MAP2: variants seen among roughly 807,000 people sequenced by gnomAD.
The protein encoded by MAP2 is microtubule associated protein 2.
In MAP2, 14 loss-of-function variants were observed where a neutral mutation model predicts 137.6. That is an observed-to-expected ratio of 0.10 (90% confidence interval 0.07 to 0.16). MAP2 has a LOEUF of 0.16. Among genes scored for constraint, MAP2 ranks in the 10% least tolerant of loss-of-function variants. The pLI is 1.00. For synonymous variants in MAP2, 786 were observed against 782.3 expected (o/e 1.00, Z -0.08); for missense variants, 2,088 against 2,191.5 (o/e 0.95, Z 0.94).
chr2:209,702,176 A>T (rs187535979), intron 11 of MAP2, among the ~76,000 whole-genome samples: 1 of 152,028 alleles, frequency 6.6e-6, no homozygotes, highest in African/African-American at 2.4e-5. Context: ...CATTTTTAGG[A>T]AATTTTTAAG....
chr2:209,443,064 A>G (rs1264768746), intron 1 of MAP2, among the ~76,000 whole-genome samples: 1 of 151,616 alleles, frequency 6.6e-6, no homozygotes, highest in Non-Finnish European at 1.5e-5. Context: ...TCCTTCCTCC[A>G]GTATTAATAT....
intron 1 of MAP2, among the ~76,000 whole-genome samples, chr2:209,436,704 ACT>A (rs1478342676): frequency 1.3e-5 from 2 of 151,300 alleles, no homozygotes; most frequent in Non-Finnish European, 3.0e-5. Flanking sequence ...GATACTGGAG[ACT>A]CTTTCCTAAG....
At chr2:209,728,089 AT>A (rs1162128723) in intron 14 of MAP2, among the ~76,000 whole-genome samples, 1 of 152,164 alleles carries the variant, frequency 6.6e-6, no homozygotes, top group African/African-American at 2.4e-5. Flanking sequence ...AGCTATGATC[AT>A]GTCACTTCAC....
intron 3 of MAP2, among the ~76,000 whole-genome samples, chr2:209,609,272 T>G (rs763859701): frequency 2.6e-5 from 4 of 152,162 alleles, no homozygotes; most frequent in Non-Finnish European, 4.4e-5. Flanking sequence ...AATTTTTGAT[T>G]TTTCTATCAA....
chr2:209,731,880 A>T lies in MAP2; in HGVS notation c.*1483A>T, dbSNP rs1179498123. ...CAAGACTCCAACATTGCACTCTGTAAAGTAACACACTGTGATCTAGTATTA... is the reference window on the plus strand; with the variant it reads ...CAAGACTCCAACATTGCACTCTGTATAGTAACACACTGTGATCTAGTATTA... On this transcript the variant is annotated 3_prime_UTR_variant, in exon 16 of 16. Coordinates refer to ENST00000682079, the MANE Select transcript of MAP2 (RefSeq NM_001375505.1). 6.6e-6 allele frequency: 1 copy of T among 152,150 alleles called. No homozygotes were observed. The highest frequency in any genetic ancestry group is 2.4e-5 in the African/African-American group (1 of 41,442). The allele number at this position is 152,150 out of a possible 1,614,324, so 9.4% of individuals were successfully genotyped here.
At chr2:209,485,377 TA>T (rs1166649386) in intron 1 of MAP2, among the ~76,000 whole-genome samples, 9 of 152,280 alleles carry the variant, frequency 5.9e-5, no homozygotes, top group African/African-American at 2.2e-4. Context: ...CCACCTCCTA[TA>T]ACTTTTTTTT....
chr2:209,677,434 A>G (rs1039025874), intron 5 of MAP2, among the ~76,000 whole-genome samples: 1 of 150,932 alleles, frequency 6.6e-6, no homozygotes, highest in African/African-American at 2.5e-5. Context: ...AGACAGACAG[A>G]CAGACAGATA....
chr2:209,556,290 T>C (rs1160100596), intron 2 of MAP2, among the ~76,000 whole-genome samples: 1 of 152,168 alleles, frequency 6.6e-6, no homozygotes, highest in African/African-American at 2.4e-5. Context: ...GCGATCGTCC[T>C]GCCTTGGCCT....
At chr2:209,643,650 G>C (rs1384016737) in intron 4 of MAP2, among the ~76,000 whole-genome samples, 1 of 152,156 alleles carries the variant, frequency 6.6e-6, no homozygotes, top group East Asian at 1.9e-4. Flanking sequence ...AAGACGATTT[G>C]AAAATGCCAG....
chr2:209,562,396 G>GAA (rs35378786), intron 2 of MAP2, among the ~76,000 whole-genome samples: 57 of 150,558 alleles, frequency 3.8e-4, no homozygotes, highest in African/African-American at 1.3e-3. Context: ...TCTCCAGCTT[G>GAA]AAAAAAAAAG....
At chr2:209,648,378 C>T (rs935538110) in intron 4 of MAP2, among the ~76,000 whole-genome samples, 6 of 152,056 alleles carry the variant, frequency 3.9e-5, no homozygotes, top group African/African-American at 1.4e-4. Flanking sequence ...GCATTACAGG[C>T]GTGAGCCACC....
chr2:209,556,318 G>T (rs909559699), intron 2 of MAP2, among the ~76,000 whole-genome samples: 49 of 152,186 alleles, frequency 3.2e-4, no homozygotes, highest in Non-Finnish European at 6.2e-4. Flanking sequence ...TGCAGGGATT[G>T]TAGGCGCGAG....
chr2:209,429,787 T>C (rs1693747934), intron 1 of MAP2, among the ~76,000 whole-genome samples: 1 of 152,164 alleles, frequency 6.6e-6, no homozygotes, highest in Non-Finnish European at 1.5e-5. Flanking sequence ...AGGTGGCTAC[T>C]ACCTTTGCAT....
At chr2:209,455,039 C>T (rs187134189) in intron 1 of MAP2, among the ~76,000 whole-genome samples, 21 of 152,276 alleles carry the variant, frequency 1.4e-4, no homozygotes, top group African/African-American at 4.8e-4. Flanking sequence ...CAAGCTCTCT[C>T]GTCTCTTCTT....
intron 7 of MAP2, among the ~76,000 whole-genome samples, chr2:209,681,482 T>C (rs1583279060): frequency 6.6e-6 from 1 of 152,150 alleles, no homozygotes; most frequent in Non-Finnish European, 1.5e-5. Context: ...TCAATTCTCA[T>C]TGATACAACA....
chr2:209,484,952 G>A (rs192250601), intron 1 of MAP2, among the ~76,000 whole-genome samples: 67 of 152,274 alleles, frequency 4.4e-4, no homozygotes, highest in African/African-American at 1.4e-3. Flanking sequence ...CATTGAAATC[G>A]GGCCGATAGA....
chr2:209,470,430 CCTTA>C (rs1393799434), intron 1 of MAP2, among the ~76,000 whole-genome samples: 1 of 151,016 alleles, frequency 6.6e-6, no homozygotes. Flanking sequence ...TTCTCTTCTG[CCTTA>C]CTTAGAGGGG....
rs147160756 is a variant in MAP2, at chr2:209,686,639, C to T, written c.454+5812C>T. On this transcript the variant is annotated intron_variant, in intron 7 of 15. Transcript: ENST00000682079. ...TCTGCACCACATCAGAAGCCAAGTG[C>T]TCACTGAGTTATACGAGAATCCAAA... 7.8e-4 allele frequency among the ~76,000 whole-genome samples: 119 copies of T among 152,276 alleles called. 1 individual carries two copies. The East Asian group carries it at 0.011, about 14-fold the overall frequency.
chr2:209,466,388 G>T (rs974688506), intron 1 of MAP2, among the ~76,000 whole-genome samples: 6 of 152,140 alleles, frequency 3.9e-5, no homozygotes, highest in Admixed American at 6.5e-5. Context: ...ATTTTGGGAA[G>T]TTTCCTCACC....
Sources: gnomAD v4.1 joint callset for allele counts (sites outside exome capture counted in the v4.1 genomes callset) on GRCh38, gnomAD v4.1.1 for gene constraint, MANE v1.5 for transcripts, NCBI Gene and HGNC (gene_info 2026-07-23, HGNC 2026-07-21) for gene names.